The following KCNQ3 variants were observed in gnomAD, a reference collection of about 807,000 sequenced individuals.
KCNQ3 encodes potassium voltage-gated channel subfamily Q member 3.
KCNQ3 carries 30 observed loss-of-function variants against 92.5 expected under a neutral mutation model. The observed-to-expected ratio is 0.32, with a 90% CI of 0.24 to 0.44. The LOEUF (loss-of-function observed/expected upper bound fraction) is 0.44. KCNQ3 is among the 20% of genes least tolerant of loss of function. The pLI is 1.00. For missense variants in KCNQ3, 913 were observed against 1,140.3 expected (o/e 0.80, Z 2.87); for synonymous variants, 450 against 468.8 (o/e 0.96, Z 0.52).
chr8:132,382,744 G>A (rs571905396), intron 1 of KCNQ3, among the ~76,000 whole-genome samples: 2 of 152,154 alleles, frequency 1.3e-5, no homozygotes, highest in Non-Finnish European at 2.9e-5. Context: ...TTGTGAATTG[G>A]GGAAGGGAAT....
At chr8:132,179,215 C>T (rs572066225) in intron 4 of KCNQ3, among the ~76,000 whole-genome samples, 1 of 151,718 alleles carries the variant, frequency 6.6e-6, no homozygotes, top group African/African-American at 2.4e-5. Flanking sequence ...AGGAAGGAAA[C>T]ACAAGCAGTA....
At chr8:132,267,275 C>CA (rs1816013297) in intron 1 of KCNQ3, among the ~76,000 whole-genome samples, 1 of 152,166 alleles carries the variant, frequency 6.6e-6, no homozygotes, top group South Asian at 2.1e-4. Flanking sequence ...CTTCAACACT[C>CA]AAATTCAGGC....
chr8:132,178,407 TTA>T (rs1361316680), intron 4 of KCNQ3, among the ~76,000 whole-genome samples: 2 of 152,236 alleles, frequency 1.3e-5, no homozygotes, highest in Non-Finnish European at 2.9e-5. Flanking sequence ...TCATTCCACT[TTA>T]TGTCTATGCT....
intron 1 of KCNQ3, among the ~76,000 whole-genome samples, chr8:132,358,387 C>T (rs1031019741): frequency 6.6e-6 from 1 of 152,110 alleles, no homozygotes; most frequent in Non-Finnish European, 1.5e-5. Flanking sequence ...CAGAGAATTC[C>T]TTTAGTCTCT....
chr8:132,192,376 C>T (rs1288631642), intron 1 of KCNQ3, among the ~76,000 whole-genome samples: 1 of 152,172 alleles, frequency 6.6e-6, no homozygotes, highest in Non-Finnish European at 1.5e-5. Context: ...TTTCAATTTA[C>T]CCTTAACATA....
Position 132,126,197 on chromosome 8 carries a change from T to A in KCNQ3, c.*3065A>T, listed in dbSNP as rs1205349344. ...TTTCATGGAGTTCTGCTGAAACGAT[T>A]GCAATTTCTTGGGCAAGTTTCAGAA... On this transcript the variant is annotated 3_prime_UTR_variant, in exon 15 of 15. Coordinates refer to ENST00000388996, the MANE Select transcript of KCNQ3 (RefSeq NM_004519.4). 1 of 152,244 alleles carries A rather than the reference T, an allele frequency of 6.6e-6. No individual in the cohort carries two copies. The highest frequency in any genetic ancestry group is 2.4e-5 in the African/African-American group (1 of 41,458). 9.4% of individuals were successfully genotyped at this position (152,244 alleles called of 1,614,324 possible). A position where few individuals can be genotyped will look rare whatever the true frequency, so the allele number is the denominator to read the frequency against.
chr8:132,365,531 C>T (rs371367992), intron 1 of KCNQ3, among the ~76,000 whole-genome samples: 1 of 152,204 alleles, frequency 6.6e-6, no homozygotes, highest in South Asian at 2.1e-4. Flanking sequence ...CAGGCCGGCT[C>T]TGACATTTTG....
chr8:132,432,502 G>T (rs1433510818), intron 1 of KCNQ3, among the ~76,000 whole-genome samples: 2 of 152,154 alleles, frequency 1.3e-5, no homozygotes, highest in East Asian at 3.9e-4. Flanking sequence ...ACAATTTTCT[G>T]TATTCCAGTA....
intron 1 of KCNQ3, among the ~76,000 whole-genome samples, chr8:132,187,879 A>ATGGTGGTGGTGGTGGTGATTGTGG (rs1463399629): frequency 8.9e-6 from 1 of 112,768 alleles, no homozygotes; most frequent in Non-Finnish European, 2.0e-5. Context: ...GGTGATAGTG[A>ATGGTGGTGGTGGTGGTGATTGTGG]TGGTGGCGGT....
At chr8:132,362,006 G>A (rs994100943) in intron 1 of KCNQ3, among the ~76,000 whole-genome samples, 17 of 151,986 alleles carry the variant, frequency 1.1e-4, no homozygotes, top group African/African-American at 2.7e-4. Flanking sequence ...ATAGTAAAAC[G>A]CTTATGTTTT....
intron 7 of KCNQ3, among the ~76,000 whole-genome samples, chr8:132,171,318 A>T (rs1645009869): frequency 6.6e-6 from 1 of 152,124 alleles, no homozygotes; most frequent in African/African-American, 2.4e-5. Context: ...AGGCACACAG[A>T]CCCACAGAGA....
At chr8:132,134,612 AAGAC>A (rs1411503891) in intron 12 of KCNQ3, among the ~76,000 whole-genome samples, 1 of 151,682 alleles carries the variant, frequency 6.6e-6, no homozygotes. Context: ...TACAGAGAGA[AAGAC>A]AGAGCCAGAG....
chr8:132,395,588 G>GA (rs1409846685), intron 1 of KCNQ3, among the ~76,000 whole-genome samples: 1 of 152,218 alleles, frequency 6.6e-6, no homozygotes, highest in Non-Finnish European at 1.5e-5. Context: ...CAAACCCTAG[G>GA]AAAGTGATGA....
intron 1 of KCNQ3, among the ~76,000 whole-genome samples, chr8:132,388,234 G>T (rs1374850280): frequency 6.6e-6 from 1 of 152,034 alleles, no homozygotes; most frequent in Non-Finnish European, 1.5e-5. Context: ...GTCGTTGTTT[G>T]CTCGTTAAAT....
intron 7 of KCNQ3, 140 bp from the exon 8 acceptor site, chr8:132,170,568 G>A (rs562394862): frequency 1.5e-5 from 10 of 657,744 alleles, no homozygotes; most frequent in African/African-American, 5.4e-5. Flanking sequence ...CAGAAAAACC[G>A]AGATTCTTGG....
chr8:132,341,186 C>G (rs1382580296), intron 1 of KCNQ3, among the ~76,000 whole-genome samples: 2 of 152,236 alleles, frequency 1.3e-5, no homozygotes, highest in Non-Finnish European at 2.9e-5. Flanking sequence ...GCGTCAAACA[C>G]TGAGGAAGAG....
At chr8:132,330,250 G>T (rs1024684622) in intron 1 of KCNQ3, among the ~76,000 whole-genome samples, 1 of 152,346 alleles carries the variant, frequency 6.6e-6, no homozygotes, top group African/African-American at 2.4e-5. Flanking sequence ...AGCTCCCAGA[G>T]TGGACAAGAC....
At chr8:132,213,087 A>G (rs1325652816) in intron 1 of KCNQ3, among the ~76,000 whole-genome samples, 1 of 152,172 alleles carries the variant, frequency 6.6e-6, no homozygotes, top group African/African-American at 2.4e-5. Flanking sequence ...TTATTTTGAA[A>G]CCATGGATCA....
rs1048340474 is a variant in KCNQ3 at position 132,123,117 on chromosome 8, C to T, written c.*6145G>A. On this transcript the variant is annotated 3_prime_UTR_variant, in exon 15 of 15. Coordinates refer to ENST00000388996, the MANE Select transcript of KCNQ3 (RefSeq NM_004519.4). Reference sequence around the variant, plus strand: ...TCCCAAAAGAAATCATGCCTGACTTCCTAAAATCAAAACCATAGGGATTTA... The same window carrying T: ...TCCCAAAAGAAATCATGCCTGACTTTCTAAAATCAAAACCATAGGGATTTA... 5 of 152,172 alleles carry T rather than the reference C, an allele frequency of 3.3e-5. No individual in the cohort carries two copies. The highest frequency in any genetic ancestry group is 1.2e-4 in the African/African-American group (5 of 41,442). 9.4% of individuals were successfully genotyped at this position (152,172 alleles called of 1,614,324 possible).
Sources: allele counts gnomAD v4.1 joint callset (sites outside exome capture counted in the v4.1 genomes callset), GRCh38; gene constraint gnomAD v4.1.1; transcripts MANE v1.5; gene names NCBI Gene and HGNC (gene_info 2026-07-23, HGNC 2026-07-21).